Variants in SNTB1 observed in about 807,000 individuals in gnomAD.
SNTB1 encodes syntrophin beta 1.
SNTB1 carries 36 observed loss-of-function variants against 48.9 expected under a neutral mutation model. The ratio of observed to expected loss-of-function variants is 0.74; its 90% confidence interval spans 0.56 to 0.97. The LOEUF (loss-of-function observed/expected upper bound fraction) is 0.97. Ranked by LOEUF, SNTB1 falls within the 50% of genes least tolerant of loss-of-function variation. The probability of loss-of-function intolerance (pLI) is 0.00; values close to 1 mark genes in which losing one functional copy is unlikely to be tolerated. For missense variants in SNTB1, 786 were observed against 703.4 expected, an observed-to-expected ratio of 1.12 and a Z score of -1.33; for synonymous variants, 299 against 294.6, an observed-to-expected ratio of 1.01 and a Z score of -0.15.
At chr8:120,676,353 A>G (rs1367771335) in intron 2 of SNTB1, among the ~76,000 whole-genome samples, 2 of 152,238 alleles carry the variant, frequency 1.3e-5, no homozygotes, top group Admixed American at 6.5e-5. Flanking sequence ...TAAACTGGCA[A>G]TTCTGAAAAG....
intron 4 of SNTB1, among the ~76,000 whole-genome samples, chr8:120,553,369 C>T (rs1172709155): frequency 6.6e-6 from 1 of 152,258 alleles, no homozygotes; most frequent in South Asian, 2.1e-4. Flanking sequence ...CTTAATGAAA[C>T]GTATAGTACT....
intron 2 of SNTB1, among the ~76,000 whole-genome samples, chr8:120,641,878 G>A (rs1817202376): frequency 1.3e-5 from 2 of 152,092 alleles, no homozygotes; most frequent in African/African-American, 2.4e-5. Flanking sequence ...ATGAATTTTT[G>A]TTTGCTTTCA....
chr8:120,663,914 T>G (rs1817633073), intron 2 of SNTB1, among the ~76,000 whole-genome samples: 1 of 152,170 alleles, frequency 6.6e-6, no homozygotes, highest in African/African-American at 2.4e-5. Context: ...CAGTTTTATT[T>G]CCAAATTAAT....
chr8:120,639,288 G>A (rs1817143067), intron 2 of SNTB1, among the ~76,000 whole-genome samples: 1 of 151,938 alleles, frequency 6.6e-6, no homozygotes, highest in African/African-American at 2.4e-5. Flanking sequence ...CTAGATATTA[G>A]CCCTTTTTCA....
chr8:120,754,192 A>T (rs141012575), intron 1 of SNTB1, among the ~76,000 whole-genome samples: 243 of 152,236 alleles, frequency 1.6e-3, no homozygotes, highest in African/African-American at 5.6e-3. Flanking sequence ...GTCCTGATGG[A>T]ATCATATGGG....
intron 3 of SNTB1, among the ~76,000 whole-genome samples, chr8:120,577,491 G>A (rs2130689466): frequency 6.6e-6 from 1 of 152,262 alleles, no homozygotes; most frequent in South Asian, 2.1e-4. Context: ...TAAAGTGTTT[G>A]GGGTAGGGGG....
chr8:120,669,944 T>A (rs1817732314), intron 2 of SNTB1, among the ~76,000 whole-genome samples: 1 of 152,230 alleles, frequency 6.6e-6, no homozygotes, highest in African/African-American at 2.4e-5. Context: ...TTGTCTCATT[T>A]TGATGCTAAG....
chr8:120,663,292 C>G (rs1335423286), intron 2 of SNTB1, among the ~76,000 whole-genome samples: 1 of 152,130 alleles, frequency 6.6e-6, no homozygotes, highest in East Asian at 1.9e-4. Flanking sequence ...GAAAAGTTAA[C>G]TAAGCCAAAA....
chr8:120,738,343 C>T (rs962797299), intron 1 of SNTB1, among the ~76,000 whole-genome samples: 41 of 152,118 alleles, frequency 2.7e-4, no homozygotes, highest in African/African-American at 9.7e-4. Context: ...AATAATGTAA[C>T]CAATAACACC....
chr8:120,623,970 C>T (rs1226729403), intron 3 of SNTB1, among the ~76,000 whole-genome samples: 3 of 152,124 alleles, frequency 2.0e-5, no homozygotes, highest in Non-Finnish European at 4.4e-5. Flanking sequence ...CAGAGTCTTG[C>T]TCTGTCACCC....
chr8:120,632,615 C>A lies in SNTB1; in HGVS notation c.825G>T (p.Thr275=). ...LEIHSPDAKH[T]VILRSKDSAT... is the part of the protein sequence containing the mutation. The stretch of plus-strand genomic sequence containing the variant: ...CTGAGTCCTTGCTCCTTAGGATCAC[C>A]GTGTGCTTAGCATCTGGAGAGTGGA... The change falls in exon 3 of 7, where the codon ACG becomes ACT. Residue 275 remains threonine (T), a synonymous_variant. Transcript: ENST00000517992. 1 of 1,614,092 alleles carries A rather than the reference C, an allele frequency of 6.2e-7. No homozygotes were observed. The highest frequency in any genetic ancestry group is 8.5e-7 in the Non-Finnish European group (1 of 1,180,018).
intron 1 of SNTB1, among the ~76,000 whole-genome samples, chr8:120,717,119 A>G (rs1245167115): frequency 6.6e-6 from 1 of 152,216 alleles, no homozygotes; most frequent in Non-Finnish European, 1.5e-5. Context: ...CTTCCTCTGC[A>G]AACTAATCAT....
intron 3 of SNTB1, among the ~76,000 whole-genome samples, chr8:120,597,385 G>A (rs1202401479): frequency 6.6e-6 from 1 of 152,214 alleles, no homozygotes; most frequent in African/African-American, 2.4e-5. Flanking sequence ...TAGGAAACTA[G>A]CACAACATCC....
At chr8:120,633,679 G>A (rs1817021975) in intron 2 of SNTB1, among the ~76,000 whole-genome samples, 1 of 152,116 alleles carries the variant, frequency 6.6e-6, no homozygotes, top group Non-Finnish European at 1.5e-5. Context: ...ACTGTAATTG[G>A]ATTACTGGAG....
intron 3 of SNTB1, among the ~76,000 whole-genome samples, chr8:120,592,458 G>A (rs1816256928): frequency 6.6e-6 from 1 of 152,156 alleles, no homozygotes; most frequent in African/African-American, 2.4e-5. Context: ...CAAAGTGCAG[G>A]TGTGATCCAC....
chr8:120,610,412 G>C (rs1327719070), intron 3 of SNTB1, among the ~76,000 whole-genome samples: 1 of 152,224 alleles, frequency 6.6e-6, no homozygotes, highest in Admixed American at 6.5e-5. Flanking sequence ...GGGATTACGG[G>C]CGTGAGCCAC....
chr8:120,735,646 A>G (rs888332864), intron 1 of SNTB1, among the ~76,000 whole-genome samples: 1 of 152,226 alleles, frequency 6.6e-6, no homozygotes, highest in Non-Finnish European at 1.5e-5. Flanking sequence ...TCTGCAGCCA[A>G]GGAGAGAGGC....
At chr8:120,729,710 G>A (rs778313984) in intron 1 of SNTB1, among the ~76,000 whole-genome samples, 1 of 152,210 alleles carries the variant, frequency 6.6e-6, no homozygotes, top group Non-Finnish European at 1.5e-5. Context: ...TTGTCTAAGA[G>A]CCTGAAAATG....
intron 4 of SNTB1, among the ~76,000 whole-genome samples, 194 bp downstream of exon 4, chr8:120,574,892 C>T (rs926492203): frequency 6.6e-6 from 1 of 152,162 alleles, no homozygotes; most frequent in African/African-American, 2.4e-5. Flanking sequence ...TGTTCTTTGT[C>T]TCTGTGTTGT....
Sources: allele counts gnomAD v4.1 joint callset (sites outside exome capture counted in the v4.1 genomes callset), GRCh38; gene constraint gnomAD v4.1.1; transcripts MANE v1.5; gene names NCBI Gene and HGNC (gene_info 2026-07-23, HGNC 2026-07-21).